SNTB1: variants seen among roughly 807,000 people sequenced by gnomAD.
SNTB1 encodes the protein beta-1-syntrophin.
In SNTB1, 36 loss-of-function variants were observed where a neutral mutation model predicts 48.9. The observed-to-expected ratio is 0.74, with a 90% CI of 0.56 to 0.97. The LOEUF is 0.97. Ranked by LOEUF, SNTB1 falls within the 50% of genes least tolerant of loss-of-function variation. The pLI, the probability that SNTB1 is intolerant of heterozygous loss-of-function variation, is 0.00. For synonymous variants in SNTB1, 299 were observed against 294.6 expected (o/e 1.01, Z -0.15); for missense variants, 786 against 703.4 (o/e 1.12, Z -1.33).
intron 2 of SNTB1, among the ~76,000 whole-genome samples, chr8:120,686,736 G>C (rs1020392082): frequency 2.0e-5 from 3 of 152,142 alleles, no homozygotes; most frequent in African/African-American, 7.2e-5. Flanking sequence ...TGCAACTCTA[G>C]AGTTTTATTC....
intron 1 of SNTB1, among the ~76,000 whole-genome samples, chr8:120,721,502 A>G (rs1818658422): frequency 6.6e-6 from 1 of 152,224 alleles, no homozygotes; most frequent in East Asian, 1.9e-4. Flanking sequence ...TGTTATCCTA[A>G]CTTCCAGTTA....
intron 1 of SNTB1, among the ~76,000 whole-genome samples, chr8:120,781,826 C>G (rs751171597): frequency 1.3e-5 from 2 of 152,164 alleles, no homozygotes; most frequent in Non-Finnish European, 2.9e-5. Context: ...GTCCTAGAAG[C>G]TGGGGCATGG....
At chr8:120,640,381 C>G (rs994944537) in intron 2 of SNTB1, among the ~76,000 whole-genome samples, 6 of 152,110 alleles carry the variant, frequency 3.9e-5, no homozygotes, top group Non-Finnish European at 8.8e-5. Context: ...TCTTTCTCCT[C>G]CCTGATTGCC....
intron 6 of SNTB1, among the ~76,000 whole-genome samples, chr8:120,540,912 G>C (rs946890776): frequency 1.3e-5 from 2 of 152,122 alleles, no homozygotes; most frequent in African/African-American, 4.8e-5. Flanking sequence ...GGGTCTGTTA[G>C]GTGTGTTCTG....
At position 120,720,510 on chromosome 8, in the gene SNTB1, A is replaced by G. The variant is rs371883996; in HGVS notation, c.572-26602T>C. The stretch of plus-strand genomic sequence containing the variant: ...TCCCCAGACAACTATTGAACATTCA[A>G]TTACTGGCTCAAGTGGACAACTCAA... On this transcript the variant is annotated intron_variant, in intron 1 of 6. Transcript: ENST00000517992. 5.1e-4 allele frequency among the ~76,000 whole-genome samples: 78 copies of G among 152,308 alleles called. No individual in the cohort carries two copies. The East Asian group carries it at 0.014, about 26-fold the overall frequency.
intron 2 of SNTB1, among the ~76,000 whole-genome samples, chr8:120,679,334 ACT>A (rs2129812469): frequency 6.6e-6 from 1 of 152,114 alleles, no homozygotes; most frequent in South Asian, 2.1e-4. Flanking sequence ...GGAACACAAA[ACT>A]CTCAAAATGC....
At chr8:120,601,161 C>A (rs901018402) in intron 3 of SNTB1, among the ~76,000 whole-genome samples, 2 of 151,776 alleles carry the variant, frequency 1.3e-5, no homozygotes, top group African/African-American at 4.8e-5. Flanking sequence ...TTTCACTCTG[C>A]GGAATAATCC....
intron 4 of SNTB1, among the ~76,000 whole-genome samples, chr8:120,574,797 A>G (rs1033610470): frequency 7.9e-5 from 12 of 152,164 alleles, no homozygotes; most frequent in African/African-American, 2.9e-4. Flanking sequence ...GTTCATTTCA[A>G]AGGGAATGAG....
intron 3 of SNTB1, among the ~76,000 whole-genome samples, chr8:120,621,255 C>T (rs995078282): frequency 6.6e-5 from 10 of 152,300 alleles, no homozygotes; most frequent in South Asian, 2.1e-4. Flanking sequence ...CCACCATGCC[C>T]GGCCTTTATT....
rs147686115 is a variant in SNTB1 at position 120,567,999 on chromosome 8, C to T, written c.1136+7087G>A. 2.4e-3 allele frequency among the ~76,000 whole-genome samples: 367 copies of T among 152,168 alleles called. 2 individuals are homozygous for T. Among genetic ancestry groups the T allele is most frequent in the African/African-American group, 8.5e-3 (354 of 41,510 alleles). Reference sequence around the variant, plus strand: ...CTTATGTGGTCATATATAAAGGACACGGTGCTGTATATGGCTGTATAGAAT... The same window carrying T: ...CTTATGTGGTCATATATAAAGGACATGGTGCTGTATATGGCTGTATAGAAT... On this transcript the variant is annotated intron_variant, in intron 4 of 6. Coordinates refer to ENST00000517992, the MANE Select transcript of SNTB1 (RefSeq NM_021021.4).
intron 3 of SNTB1, among the ~76,000 whole-genome samples, chr8:120,593,025 A>G (rs1368945226): frequency 6.6e-6 from 1 of 152,178 alleles, no homozygotes; most frequent in Non-Finnish European, 1.5e-5. Flanking sequence ...TGTTAAAAAG[A>G]AAAAGGGAGA....
chr8:120,587,221 A>AAAAACAAAACAAAACAAAAC (rs35819460), intron 3 of SNTB1, among the ~76,000 whole-genome samples: 3 of 150,990 alleles, frequency 2.0e-5, no homozygotes, highest in Admixed American at 1.3e-4. Flanking sequence ...ACTCTGTCTC[A>AAAAACAAAACAAAACAAAAC]AAAACAAAAC....
At chr8:120,751,768 T>C (rs76119385) in intron 1 of SNTB1, among the ~76,000 whole-genome samples, 16,387 of 152,086 alleles carry the variant, frequency 0.11, 2,126 homozygotes, top group African/African-American at 0.31. Flanking sequence ...GTGATAACAA[T>C]AGTATGAGGT....
chr8:120,558,769 G>T (rs553238254), intron 4 of SNTB1, among the ~76,000 whole-genome samples: 52 of 152,320 alleles, frequency 3.4e-4, no homozygotes, highest in African/African-American at 1.2e-3. Flanking sequence ...CCTCATGGTG[G>T]TGTTGTGAAA....
At chr8:120,762,226 A>T (rs1459701028) in intron 1 of SNTB1, among the ~76,000 whole-genome samples, 1 of 152,216 alleles carries the variant, frequency 6.6e-6, no homozygotes, top group Admixed American at 6.5e-5. Context: ...ACGGGGCATG[A>T]GACACACCAG....
At chr8:120,782,958 ATATCTCT>A (rs1563600790) in intron 1 of SNTB1, among the ~76,000 whole-genome samples, 2 of 152,210 alleles carry the variant, frequency 1.3e-5, no homozygotes, top group African/African-American at 4.8e-5. Flanking sequence ...TACTAAGAAT[ATATCTCT>A]TCACAGGAAG....
chr8:120,585,673 G>T (rs1307574357), intron 3 of SNTB1, among the ~76,000 whole-genome samples: 1 of 152,176 alleles, frequency 6.6e-6, no homozygotes, highest in Non-Finnish European at 1.5e-5. Flanking sequence ...CTCTAAAGGA[G>T]GTGAAACATT....
Position 120,630,026 on chromosome 8 carries a change from G to A in SNTB1, c.996+2418C>T, listed in dbSNP as rs190123944. Among the ~76,000 whole-genome samples the A allele has an allele frequency of 7.9e-4, 121 of 152,334 alleles. 1 individual carries two copies. The highest frequency in any genetic ancestry group is 2.6e-4 in the Non-Finnish European group (18 of 68,028). On this transcript the variant is annotated intron_variant, in intron 3 of 6. Transcript: ENST00000517992. ...TTTTAATTTCATGAATAGTGGTAAT[G>A]ATTTTAAACATAGCTTGTGATTGAA... is the stretch of plus-strand genomic sequence containing the variant.
At position 120,811,821 on chromosome 8, in the gene SNTB1, G is replaced by GCCGCCGCCGCCGCTA; in HGVS notation, c.8_22dup (p.Val3_Ala7dup). 1 of 1,351,004 alleles carries GCCGCCGCCGCCGCTA rather than the reference G, an allele frequency of 7.4e-7. No individual in the cohort carries two copies. The highest frequency in any genetic ancestry group is 9.5e-7 in the Non-Finnish European group (1 of 1,055,264). The allele number at this position is 1,351,004 out of a possible 1,614,324, so 83.7% of individuals were successfully genotyped here. On this transcript the variant is annotated inframe_insertion, in exon 1 of 7. Coordinates refer to ENST00000517992, the MANE Select transcript of SNTB1 (RefSeq NM_021021.4). The stretch of plus-strand genomic sequence containing the variant: ...TCCCGCGCCAGCCGGCCCAGCCGCC[G>GCCGCCGCCGCCGCTA]CCGCCGCCGCCGCTACCGCCATCTT...
Sources: allele counts gnomAD v4.1 joint callset (sites outside exome capture counted in the v4.1 genomes callset), GRCh38; gene constraint gnomAD v4.1.1; transcripts MANE v1.5; gene names NCBI Gene and HGNC (gene_info 2026-07-23, HGNC 2026-07-21).